The following BANP variants were observed in gnomAD, a reference collection of about 807,000 sequenced individuals.
BANP encodes the protein BTG3 associated nuclear protein.
Under a neutral mutation model 68.1 loss-of-function variants are expected in BANP, and 11 were observed. The ratio of observed to expected loss-of-function variants is 0.16; its 90% CI spans 0.10 to 0.27. The LOEUF (loss-of-function observed/expected upper bound fraction) is 0.27, where lower values mean the gene tolerates loss of function less well. Among genes scored for constraint, BANP ranks in the 10% least tolerant of loss-of-function variants. The pLI is 1.00. For missense variants in BANP, 504 were observed against 722.7 expected (o/e 0.70, Z 3.47); for synonymous variants, 329 against 303.2 (o/e 1.09, Z -0.88).
intron 8 of BANP, among the ~76,000 whole-genome samples, chr16:88,028,384 G>C (rs1244026292): frequency 6.6e-6 from 1 of 152,206 alleles, no homozygotes; most frequent in South Asian, 2.1e-4. Context: ...GAAGTCCTGG[G>C]AGTTGCAGAC....
chr16:87,989,544 G>A (rs2065338331), intron 4 of BANP, among the ~76,000 whole-genome samples: 1 of 151,868 alleles, frequency 6.6e-6, no homozygotes, highest in South Asian at 2.1e-4. Flanking sequence ...GTCAGGGGAT[G>A]CAGGCCCGCG....
intron 11 of BANP, among the ~76,000 whole-genome samples, chr16:88,039,873 C>G (rs577657549): frequency 3.3e-5 from 5 of 152,214 alleles, no homozygotes; most frequent in Admixed American, 6.5e-5. Flanking sequence ...AACTGCTGCT[C>G]ATTCCCGGGT....
At chr16:88,069,409 G>A (rs774477532) in intron 12 of BANP, among the ~76,000 whole-genome samples, 1 of 152,180 alleles carries the variant, frequency 6.6e-6, no homozygotes, top group Non-Finnish European at 1.5e-5. Flanking sequence ...ATCTTCTAAG[G>A]ACTTTGAGAG....
rs1599219892 is a variant in BANP, at chr16:88,076,825, G to C, written c.*164G>C. On this transcript the variant is annotated 3_prime_UTR_variant, in exon 14 of 14. Transcript: ENST00000682872. The stretch of plus-strand genomic sequence containing the variant: ...GGGAACAGCATCCTATCAACTGAAA[G>C]AGCAGCCGCCGCCGCCCCCAGCCGG... 1.6e-6 allele frequency: 1 copy of C among 613,284 alleles called. No individual in the cohort carries two copies. Among genetic ancestry groups the C allele is most frequent in the African/African-American group, 1.9e-5 (1 of 53,492 alleles). 38.0% of individuals were successfully genotyped at this position (613,284 alleles called of 1,614,324 possible).
intron 4 of BANP, among the ~76,000 whole-genome samples, chr16:87,988,850 A>AG (rs2065148273): frequency 6.6e-6 from 1 of 152,204 alleles, no homozygotes; most frequent in Non-Finnish European, 1.5e-5. Flanking sequence ...CCAACCCTCA[A>AG]GGGCGGGCAC....
rs908972223 is a variant in BANP, at chr16:88,004,963, C to T, written c.479+552C>T. Among the ~76,000 whole-genome samples, 45 of 152,242 alleles carry T rather than the reference C, an allele frequency of 3.0e-4. No individual in the cohort carries two copies. The highest frequency in any genetic ancestry group is 1.1e-3 in the African/African-American group (45 of 41,526). ...TGGCTGGCATCCAAGCCCTGCTGTCCCCAGGAGTGCCCCTGGGGCTGCGTG... is the reference window on the plus strand; with the variant it reads ...TGGCTGGCATCCAAGCCCTGCTGTCTCCAGGAGTGCCCCTGGGGCTGCGTG... On this transcript the variant is annotated intron_variant, in intron 5 of 13. Coordinates refer to ENST00000682872, the MANE Select transcript of BANP (RefSeq NM_001386991.1). This position sits in a 1 kb window ranked among gnomAD's most constrained non-coding sequence, Gnocchi z 7.0.
At chr16:88,037,095 C>T (rs533577181) in intron 10 of BANP, among the ~76,000 whole-genome samples, 3 of 152,092 alleles carry the variant, frequency 2.0e-5, no homozygotes, top group Non-Finnish European at 2.9e-5. Flanking sequence ...CTATGAAGTT[C>T]GTCAGAATGC....
At chr16:87,960,310 G>T (rs1278667856) in intron 1 of BANP, among the ~76,000 whole-genome samples, 1 of 152,192 alleles carries the variant, frequency 6.6e-6, no homozygotes, top group Non-Finnish European at 1.5e-5. Flanking sequence ...TCTGGACCCA[G>T]ATGGCTTGCT....
rs2152852641 is a variant in BANP at position 88,057,051 on chromosome 16, G to T, written c.1312-8216G>T. On this transcript the variant is annotated intron_variant, in intron 11 of 13. Transcript: ENST00000682872. This position sits in a 1 kb window ranked among gnomAD's most constrained non-coding sequence, Gnocchi z 4.6. The stretch of plus-strand genomic sequence containing the variant: ...TCTGAATAACTTTACAAATCCTTTT[G>T]GTGGGATCCAAATGTGAGAACTTTT... 6.6e-6 allele frequency among the ~76,000 whole-genome samples: 1 copy of T among 152,306 alleles called. No individual in the cohort carries two copies. The highest frequency in any genetic ancestry group is 2.4e-5 in the African/African-American group (1 of 41,552).
chr16:88,066,151 A>G (rs1036504114), intron 12 of BANP, among the ~76,000 whole-genome samples: 2 of 152,194 alleles, frequency 1.3e-5, no homozygotes, highest in Admixed American at 6.5e-5. Context: ...TAGAGCACCG[A>G]GGGCTCCAAA....
chr16:88,007,336 G>A (rs2152567214), intron 6 of BANP, among the ~76,000 whole-genome samples: 1 of 152,324 alleles, frequency 6.6e-6, no homozygotes, highest in South Asian at 2.1e-4. Flanking sequence ...GGCACAGGAT[G>A]CATTGCCCAT....
rs2085574758 is a variant in BANP, at chr16:88,057,955, G to A, written c.1312-7312G>A. Among the ~76,000 whole-genome samples the A allele has an allele frequency of 6.6e-6, 1 of 152,176 alleles. No individual in the cohort carries two copies. The highest frequency in any genetic ancestry group is 2.4e-5 in the African/African-American group (1 of 41,424). ...GCCGAGGCTCGGTGTGGGCCCGTGG[G>A]CCTGATTGAAGTCACACTCCTGCCC... On this transcript the variant is annotated intron_variant, in intron 11 of 13. Coordinates refer to ENST00000682872, the MANE Select transcript of BANP (RefSeq NM_001386991.1). This position sits in a 1 kb window ranked among gnomAD's most constrained non-coding sequence, Gnocchi z 4.6.
chr16:88,030,168 C>T (rs1247404689), intron 8 of BANP, among the ~76,000 whole-genome samples: 1 of 152,190 alleles, frequency 6.6e-6, no homozygotes, highest in African/African-American at 2.4e-5. Context: ...AACCTAGACA[C>T]CCAACAAAGT....
intron 12 of BANP, among the ~76,000 whole-genome samples, chr16:88,068,707 G>A (rs1045681048): frequency 9.9e-5 from 15 of 152,088 alleles, no homozygotes; most frequent in East Asian, 3.9e-4. Context: ...GCCTGGGCGC[G>A]TGGTGGAACT....
At chr16:87,992,342 T>C (rs930154013) in intron 4 of BANP, among the ~76,000 whole-genome samples, 3 of 152,230 alleles carry the variant, frequency 2.0e-5, no homozygotes, top group Non-Finnish European at 2.9e-5. Flanking sequence ...CTTTTTGTTA[T>C]CAGGATAATG....
intron 1 of BANP, chr16:87,970,095 A>T (rs1005655940): frequency 6.6e-6 from 1 of 152,178 alleles, no homozygotes; most frequent in Non-Finnish European, 1.5e-5. Flanking sequence ...TTTAGTAGAG[A>T]TGGGGTTTTG....
chr16:88,050,843 A>G (rs2083087273), intron 11 of BANP, among the ~76,000 whole-genome samples: 1 of 150,422 alleles, frequency 6.6e-6, no homozygotes, highest in African/African-American at 2.5e-5. Context: ...GCGCACCACC[A>G]CGACCTGCTA....
chr16:88,068,374 C>A (rs1376081289), intron 12 of BANP, among the ~76,000 whole-genome samples: 1 of 152,248 alleles, frequency 6.6e-6, no homozygotes, highest in Admixed American at 6.5e-5. Flanking sequence ...AGTCAAGTCC[C>A]TGCACCGCGC....
intron 4 of BANP, among the ~76,000 whole-genome samples, chr16:87,993,099 G>A (rs887161035): frequency 2.0e-5 from 3 of 152,254 alleles, no homozygotes; most frequent in Admixed American, 6.5e-5. Flanking sequence ...GGGGTCACGG[G>A]TTTTGGGGAG....
Sources: gnomAD v4.1 joint callset for allele counts (sites outside exome capture counted in the v4.1 genomes callset) on GRCh38, gnomAD v4.1.1 for gene constraint, Gnocchi (gnomAD v3.1) non-coding constraint, MANE v1.5 for transcripts, NCBI Gene and HGNC (gene_info 2026-07-23, HGNC 2026-07-21) for gene names.